Variants in CYP20A1 observed in about 807,000 individuals in gnomAD.
CYP20A1 encodes the protein cytochrome P450 family 20 subfamily A member 1, also known as cytochrome P450 20A1.
CYP20A1 carries 61 observed loss-of-function variants against 61.4 expected under a neutral mutation model. The ratio of observed to expected loss-of-function variants is 0.99; its 90% confidence interval spans 0.81 to 1.23. The LOEUF (loss-of-function observed/expected upper bound fraction) is 1.23. Among genes scored for constraint, CYP20A1 ranks in the 50% most tolerant of loss-of-function variants. The pLI, the probability that CYP20A1 is intolerant of heterozygous loss-of-function variation, is 0.00. For synonymous variants in CYP20A1, 193 were observed against 188.2 expected (o/e 1.03, Z -0.21); for missense variants, 530 against 542.4 (o/e 0.98, Z 0.23).
intron 4 of CYP20A1, 137 bp from the exon 5 acceptor site, chr2:203,266,376 GT>G: frequency 1.4e-6 from 1 of 695,840 alleles, no homozygotes; most frequent in Admixed American, 2.6e-5. Flanking sequence ...GCTAGTGTTA[GT>G]CTGACAGATT....
chr2:203,273,770 C>A (rs1369824694), intron 6 of CYP20A1, among the ~76,000 whole-genome samples: 1 of 152,042 alleles, frequency 6.6e-6, no homozygotes, highest in African/African-American at 2.4e-5. Context: ...ATAGTGAAAC[C>A]CTACCTCTAC....
At position 203,239,092 on chromosome 2, in the gene CYP20A1, C is replaced by T. The variant is rs1177346679; in HGVS notation, c.30C>T (p.Thr10=). The change falls in exon 1 of 13, where the codon ACC becomes ACT. Residue 10 remains threonine, a synonymous_variant. Coordinates refer to ENST00000356079, the MANE Select transcript of CYP20A1 (RefSeq NM_177538.3). The stretch of plus-strand genomic sequence containing the variant: ...TGGACTTCGCGATCTTCGCCGTTAC[C>T]TTCTTGCTGGCGTTGGTGGGAGCCG... The part of the protein sequence containing the change: MLDFAIFAV[T]FLLALVGAVL... 3.1e-6 allele frequency: 5 copies of T among 1,613,748 alleles called. No homozygotes were observed. The highest frequency in any genetic ancestry group is 2.2e-5 in the East Asian group (1 of 44,870).
chr2:203,239,778 GT>G (rs994030112), intron 1 of CYP20A1, among the ~76,000 whole-genome samples: 6 of 152,182 alleles, frequency 3.9e-5, no homozygotes, highest in Admixed American at 3.9e-4. Flanking sequence ...ACTTGCCTCC[GT>G]CAGCGAGAGA....
intron 4 of CYP20A1, among the ~76,000 whole-genome samples, chr2:203,263,303 A>T (rs547739079): frequency 0.039 from 4,230 of 108,504 alleles, 80 homozygotes; most frequent in African/African-American, 0.058. Flanking sequence ...TTTTTTTTTT[A>T]AATTTTAGGC....
intron 9 of CYP20A1, among the ~76,000 whole-genome samples, chr2:203,286,329 T>C (rs1311479541): frequency 6.6e-6 from 1 of 152,072 alleles, no homozygotes; most frequent in Non-Finnish European, 1.5e-5. Context: ...TCTTAAAAAG[T>C]TCAACATACA....
At chr2:203,249,375 T>C (rs1038948156) in intron 3 of CYP20A1, among the ~76,000 whole-genome samples, 1 of 151,320 alleles carries the variant, frequency 6.6e-6, no homozygotes, top group Non-Finnish European at 1.5e-5. Flanking sequence ...AAAATCACCT[T>C]GAGAAAGGAA....
rs1462760265 is a variant in CYP20A1, at chr2:203,305,991, T to C, written c.*9083T>C. On this transcript the variant is annotated 3_prime_UTR_variant, in exon 13 of 13. Transcript: ENST00000356079. Reference sequence around the variant, plus strand: ...TAGATGTGAACATAGATTTATAATATAGTACTATACAAAATACAACTAAAA... The same window carrying C: ...TAGATGTGAACATAGATTTATAATACAGTACTATACAAAATACAACTAAAA... 6.6e-6 allele frequency among the ~76,000 whole-genome samples: 1 copy of C among 152,224 alleles called. No individual in the cohort carries two copies. Among genetic ancestry groups the C allele is most frequent in the African/African-American group, 2.4e-5 (1 of 41,468 alleles).
intron 5 of CYP20A1, among the ~76,000 whole-genome samples, chr2:203,271,082 A>ATATATATTT (rs1178482961): frequency 1.9e-4 from 6 of 31,642 alleles, no homozygotes; most frequent in Non-Finnish European, 2.3e-4. Context: ...ATATATATAT[A>ATATATATTT]TTTTTTTTTT....
At chr2:203,255,328 G>T (rs1317279915) in intron 4 of CYP20A1, among the ~76,000 whole-genome samples, 1 of 152,158 alleles carries the variant, frequency 6.6e-6, no homozygotes, top group African/African-American at 2.4e-5. Context: ...TATTATATTT[G>T]CCTCTTTGTT....
chr2:203,251,988 T>G lies in CYP20A1; in HGVS notation c.311T>G (p.Leu104Arg). The G allele has an allele frequency of 6.2e-7, 1 of 1,603,238 alleles. No homozygotes were observed. Reference sequence around the variant, plus strand: ...TCAGCGGACCCTTTTGAAACCATGCTGAAGTCATTATTAAGGTATCAATCT... The same window carrying G: ...TCAGCGGACCCTTTTGAAACCATGCGGAAGTCATTATTAAGGTATCAATCT... ...NKTSDPFETM[L>R]KSLLRYQSGG... is the part of the protein sequence containing the mutation. The change falls in exon 4 of 13, where the codon CTG (leucine) becomes CGG (arginine). Residue 104 changes from leucine (L) to arginine (R), a missense_variant. Coordinates refer to ENST00000356079, the MANE Select transcript of CYP20A1 (RefSeq NM_177538.3).
intron 9 of CYP20A1, among the ~76,000 whole-genome samples, chr2:203,287,386 G>A (rs1559106151): frequency 6.6e-6 from 1 of 151,962 alleles, no homozygotes; most frequent in South Asian, 2.1e-4. Context: ...AGAAGGTGAG[G>A]TTCCTTTGTA....
chr2:203,289,247 A>G (rs1368866832), intron 9 of CYP20A1, among the ~76,000 whole-genome samples: 2 of 152,054 alleles, frequency 1.3e-5, no homozygotes, highest in Non-Finnish European at 2.9e-5. Flanking sequence ...TGCTTTTTGT[A>G]TTCTCCGTCC....
intron 7 of CYP20A1, among the ~76,000 whole-genome samples, chr2:203,279,301 A>G (rs986281947): frequency 6.6e-6 from 1 of 152,140 alleles, no homozygotes; most frequent in African/African-American, 2.4e-5. Context: ...CATTGGTAGT[A>G]CAAGTACTTG....
rs1441440742 is a variant in CYP20A1 at position 203,302,759 on chromosome 2, C to G, written c.*5851C>G. On this transcript the variant is annotated 3_prime_UTR_variant, in exon 13 of 13. Coordinates refer to ENST00000356079, the MANE Select transcript of CYP20A1 (RefSeq NM_177538.3). Reference sequence around the variant, plus strand: ...CCAGGCTGGAATGCAGTGGCGTGATCTCGGCTCACTGCAACCTCTGCCTCC... The same window carrying G: ...CCAGGCTGGAATGCAGTGGCGTGATGTCGGCTCACTGCAACCTCTGCCTCC... Among the ~76,000 whole-genome samples, 1 of 152,106 alleles carries G rather than the reference C, an allele frequency of 6.6e-6. No individual in the cohort carries two copies. Among genetic ancestry groups the G allele is most frequent in the Non-Finnish European group, 1.5e-5 (1 of 68,032 alleles).
chr2:203,273,273 A>G (rs757305429), intron 6 of CYP20A1, among the ~76,000 whole-genome samples: 13 of 152,228 alleles, frequency 8.5e-5, no homozygotes, highest in Admixed American at 7.9e-4. Flanking sequence ...AGTGTTGTAG[A>G]GCTGGTATAC....
At chr2:203,247,044 T>C (rs1437655500) in intron 3 of CYP20A1, 123 bp downstream of exon 3, 19 of 901,370 alleles carry the variant, frequency 2.1e-5, no homozygotes, top group Non-Finnish European at 3.2e-5. Context: ...GTGGATCACA[T>C]GAGGCCAGGA....
At chr2:203,260,257 C>T (rs1009859253) in intron 4 of CYP20A1, among the ~76,000 whole-genome samples, 4 of 151,858 alleles carry the variant, frequency 2.6e-5, no homozygotes, top group Non-Finnish European at 5.9e-5. Flanking sequence ...CAGTGTCACT[C>T]TGTCGTCCAG....
chr2:203,287,295 T>C (rs2068321751), intron 9 of CYP20A1, among the ~76,000 whole-genome samples: 1 of 152,024 alleles, frequency 6.6e-6, no homozygotes, highest in African/African-American at 2.4e-5. Context: ...AAGTTTTATT[T>C]ATTACATTGA....
intron 5 of CYP20A1, among the ~76,000 whole-genome samples, chr2:203,270,200 T>TA (rs907939917): frequency 3.2e-4 from 48 of 152,190 alleles, no homozygotes; most frequent in African/African-American, 1.2e-3. Context: ...GTGGAGGTTG[T>TA]AGTGAGCCAT....
Sources: allele counts gnomAD v4.1 joint callset (sites outside exome capture counted in the v4.1 genomes callset), GRCh38; gene constraint gnomAD v4.1.1; transcripts MANE v1.5; gene names NCBI Gene and HGNC (gene_info 2026-07-23, HGNC 2026-07-21).